The following COP1 variants were observed in gnomAD, a reference collection of about 807,000 sequenced individuals.
The protein encoded by COP1 is COP1 E3 ubiquitin ligase.
Under a neutral mutation model 101.3 loss-of-function variants are expected in COP1, and 24 were observed. The ratio of observed to expected loss-of-function variants is 0.24; its 90% CI spans 0.17 to 0.33. COP1 has a LOEUF of 0.33. Ranked by LOEUF, COP1 falls within the 10% of genes least tolerant of loss-of-function variation. The pLI is 1.00. For synonymous variants in COP1, 347 were observed against 341.9 expected (o/e 1.01, Z -0.17); for missense variants, 663 against 906.2 (o/e 0.73, Z 3.45).
At chr1:175,948,695 T>C (rs116494851) in intron 18 of COP1, among the ~76,000 whole-genome samples, 5,586 of 152,238 alleles carry the variant, frequency 0.037, 156 homozygotes, top group Non-Finnish European at 0.059. Context: ...TACAAGAAAA[T>C]AATAATGTCT....
At chr1:176,039,114 A>C (rs1305182544) in intron 14 of COP1, among the ~76,000 whole-genome samples, 1 of 152,212 alleles carries the variant, frequency 6.6e-6, no homozygotes, top group African/African-American at 2.4e-5. Context: ...ACGAGACTGG[A>C]GATCATACAT....
At chr1:175,995,601 A>G (rs373557040) in intron 15 of COP1, among the ~76,000 whole-genome samples, 2 of 152,258 alleles carry the variant, frequency 1.3e-5, no homozygotes, top group Non-Finnish European at 2.9e-5. Context: ...AACTACCATC[A>G]GAGAATACTA....
intron 18 of COP1, among the ~76,000 whole-genome samples, chr1:175,979,381 T>C (rs1284978241): frequency 6.6e-6 from 1 of 152,106 alleles, no homozygotes. Context: ...TTCTCAAATG[T>C]GCTTTACTTT....
intron 15 of COP1, among the ~76,000 whole-genome samples, chr1:176,000,517 A>G (rs1373591326): frequency 1.3e-5 from 2 of 152,092 alleles, no homozygotes; most frequent in East Asian, 3.9e-4. Context: ...CTATGACAAC[A>G]TTAGAAGTTT....
chr1:176,116,645 T>C lies in COP1; in HGVS notation c.1005A>G (p.Pro335=), dbSNP rs1445216696. The stretch of plus-strand genomic sequence containing the variant: ...TTACCTGAGAACTGCCACTGAAACC[T>C]GGAGGTTGGCTGTATTCTGTGGAAT... ...IIDSTEYSQP[P]GFSGSSQTKK... is the part of the protein sequence containing the mutation. Residue 335 remains proline, a synonymous_variant, in exon 9 of 20, where the codon CCA becomes CCG. Coordinates refer to ENST00000367669, the MANE Select transcript of COP1 (RefSeq NM_022457.7). 6.8e-6 allele frequency: 11 copies of C among 1,611,992 alleles called. No individual in the cohort carries two copies. In the African/African-American group the frequency reaches 8.0e-5, roughly 12 times the overall value.
At chr1:176,015,179 T>C (rs892797546) in intron 15 of COP1, among the ~76,000 whole-genome samples, 1 of 152,090 alleles carries the variant, frequency 6.6e-6, no homozygotes, top group Non-Finnish European at 1.5e-5. Context: ...TAATGTAGGA[T>C]GAATCTAGAG....
intron 8 of COP1, among the ~76,000 whole-genome samples, chr1:176,124,621 T>C (rs750206553): frequency 3.9e-5 from 6 of 152,232 alleles, no homozygotes; most frequent in Non-Finnish European, 8.8e-5. Flanking sequence ...TTATGGCTGA[T>C]AGTACTCCAT....
intron 6 of COP1, among the ~76,000 whole-genome samples, chr1:176,139,287 A>C (rs868072876): frequency 9.8e-5 from 11 of 112,818 alleles, no homozygotes; most frequent in African/African-American, 4.2e-4. Context: ...AACAAAAAAA[A>C]CAAAAAAAAA....
intron 11 of COP1, among the ~76,000 whole-genome samples, chr1:176,068,674 T>A (rs1676451351): frequency 6.6e-6 from 1 of 152,232 alleles, no homozygotes; most frequent in Non-Finnish European, 1.5e-5. Context: ...ATGAATGAAC[T>A]TTATTCATTC....
chr1:176,064,188 G>T (rs541743617), intron 11 of COP1, among the ~76,000 whole-genome samples: 75 of 152,018 alleles, frequency 4.9e-4, no homozygotes, highest in Admixed American at 1.6e-3. Context: ...CAATCAAAAT[G>T]ACCTTCCTTG....
At chr1:176,023,592 C>T (rs1012929221) in intron 15 of COP1, among the ~76,000 whole-genome samples, 5 of 151,838 alleles carry the variant, frequency 3.3e-5, no homozygotes, top group Non-Finnish European at 5.9e-5. Flanking sequence ...GTGGCATATG[C>T]CTGTAATCCC....
In COP1 at chr1:176,028,806, T is replaced by C. The variant is rs1188483688; in HGVS notation, c.1613-1118A>G. ...CCTCACTCTGTCATTCAGGCTGGAG[T>C]GCAGTGGCACAATCATGCCTCACTT... On this transcript the variant is annotated intron_variant, in intron 14 of 19. Coordinates refer to ENST00000367669, the MANE Select transcript of COP1 (RefSeq NM_022457.7). Among the ~76,000 whole-genome samples, 11 of 149,486 alleles carry C rather than the reference T, an allele frequency of 7.4e-5. No individual in the cohort carries two copies. The Admixed American group carries it at 7.4e-4, about 10-fold the overall frequency.
chr1:176,045,303 T>A (rs1026576998), intron 12 of COP1, among the ~76,000 whole-genome samples: 1 of 152,168 alleles, frequency 6.6e-6, no homozygotes, highest in Non-Finnish European at 1.5e-5. Context: ...TAACAGATTC[T>A]CAATGATGAG....
At chr1:175,979,631 A>C (rs1655341678) in intron 18 of COP1, among the ~76,000 whole-genome samples, 1 of 152,132 alleles carries the variant, frequency 6.6e-6, no homozygotes, top group African/African-American at 2.4e-5. Context: ...CACATTTAAA[A>C]ATTTTTGTTG....
intron 4 of COP1, 123 bp from the exon 5 acceptor site, chr1:176,163,111 T>G (rs1350939921): frequency 1.1e-6 from 1 of 932,922 alleles, no homozygotes; most frequent in Non-Finnish European, 1.5e-6. Flanking sequence ...TATATTATAA[T>G]GTTCCAAACT....
At chr1:176,090,950 G>A (rs910012789) in intron 9 of COP1, among the ~76,000 whole-genome samples, 1 of 152,118 alleles carries the variant, frequency 6.6e-6, no homozygotes, top group Non-Finnish European at 1.5e-5. Flanking sequence ...GACACACTAA[G>A]GTGAAACTGT....
rs188423415 is a variant in COP1, at chr1:176,016,485, G to A, written c.1729+11087C>T. On this transcript the variant is annotated intron_variant, in intron 15 of 19. Coordinates refer to ENST00000367669, the MANE Select transcript of COP1 (RefSeq NM_022457.7). Reference sequence around the variant, plus strand: ...TGATCTTAGTGAGAAGAATTTCTATGTAAGGGTAGGAGCAGAAACCAGACT... The same window carrying A: ...TGATCTTAGTGAGAAGAATTTCTATATAAGGGTAGGAGCAGAAACCAGACT... 3.3e-5 allele frequency among the ~76,000 whole-genome samples: 5 copies of A among 152,186 alleles called. 1 individual carries two copies. The South Asian group carries it at 6.2e-4, about 19-fold the overall frequency.
chr1:176,063,919 T>C (rs1337305548), intron 11 of COP1, among the ~76,000 whole-genome samples: 1 of 152,136 alleles, frequency 6.6e-6, no homozygotes, highest in Non-Finnish European at 1.5e-5. Context: ...TGATAAAACA[T>C]AAAATAGCCA....
Position 176,040,650 on chromosome 1 carries a change from T to C in COP1, c.1612+2536A>G, listed in dbSNP as rs145975506. Among the ~76,000 whole-genome samples the C allele has an allele frequency of 8.8e-4, 134 of 152,324 alleles. 2 individuals carry two copies. Among genetic ancestry groups the C allele is most frequent in the African/African-American group, 2.7e-3 (114 of 41,566 alleles). On this transcript the variant is annotated intron_variant, in intron 14 of 19. Transcript: ENST00000367669. ...CAAGGAAAAAAGGTATTCCATTCTG[T>C]ATATAGTAGGAATAAACAACTTGCT...
Sources: gnomAD v4.1 joint callset for allele counts (sites outside exome capture counted in the v4.1 genomes callset) on GRCh38, gnomAD v4.1.1 for gene constraint, MANE v1.5 for transcripts, NCBI Gene and HGNC (gene_info 2026-07-23, HGNC 2026-07-21) for gene names.